LIN52: variants seen among roughly 807,000 people sequenced by gnomAD.
The protein encoded by LIN52 is lin-52 DREAM MuvB core complex component, also known as protein lin-52 homolog.
LIN52 carries 4 observed loss-of-function variants against 18.5 expected under a neutral mutation model. The observed-to-expected ratio is 0.22, with a 90% confidence interval of 0.11 to 0.49. The LOEUF is 0.49. Among genes scored for constraint, LIN52 ranks in the 20% least tolerant of loss-of-function variants. The probability of loss-of-function intolerance (pLI) is 0.97; values close to 1 mark genes in which losing one functional copy is unlikely to be tolerated. For synonymous variants in LIN52, 34 were observed against 45.5 expected, an observed-to-expected ratio of 0.75 and a Z score of 1.02; for missense variants, 102 against 139.5, an observed-to-expected ratio of 0.73 and a Z score of 1.35.
In LIN52 at chr14:74,200,105, T is replaced by G. The variant is rs899669412; in HGVS notation, c.*1128T>G. ...GATGTTTTGAGAAGTGCATGGAGTT[T>G]CCTAAACTTTGCACAAAAGAATATC... On this transcript the variant is annotated 3_prime_UTR_variant, in exon 6 of 6. Coordinates refer to ENST00000555028, the MANE Select transcript of LIN52 (RefSeq NM_001024674.3). The G allele has an allele frequency of 6.6e-6, 1 of 151,562 alleles. No homozygotes were observed. The highest frequency in any genetic ancestry group is 2.4e-5 in the African/African-American group (1 of 41,266). 9.4% of individuals were successfully genotyped at this position (151,562 alleles called of 1,614,324 possible). A position where few individuals can be genotyped will look rare whatever the true frequency, so the allele number is the denominator to read the frequency against.
chr14:74,097,982 C>T, intron 4 of LIN52, 122 bp downstream of exon 4: 1 of 672,590 alleles, frequency 1.5e-6, no homozygotes, highest in Non-Finnish European at 2.6e-6. Context: ...TTTAAACCTC[C>T]TTATTTGTAG....
intron 4 of LIN52, among the ~76,000 whole-genome samples, chr14:74,100,769 C>T (rs113452396): frequency 1.3e-5 from 2 of 152,144 alleles, no homozygotes; most frequent in African/African-American, 4.8e-5. Context: ...AGCCACCATG[C>T]CTGGCTGAAT....
intron 5 of LIN52, among the ~76,000 whole-genome samples, chr14:74,166,820 G>T (rs1327611003): frequency 6.6e-6 from 1 of 152,074 alleles, no homozygotes; most frequent in Non-Finnish European, 1.5e-5. Context: ...CATTATTAAG[G>T]TCCTCTAAAT....
intron 5 of LIN52, among the ~76,000 whole-genome samples, chr14:74,130,278 G>GTGTTTTTTTTTTTTTTTTTTTTTTT (rs1566856480): frequency 4.6e-5 from 3 of 64,842 alleles, no homozygotes; most frequent in Non-Finnish European, 8.4e-5. Flanking sequence ...GCATTTTTTG[G>GTGTTTTTTTTTTTTTTTTTTTTTTT]TTTTTTTTTT....
intron 5 of LIN52, among the ~76,000 whole-genome samples, chr14:74,136,459 G>A (rs1477231392): frequency 1.3e-5 from 2 of 152,140 alleles, no homozygotes; most frequent in Admixed American, 6.5e-5. Flanking sequence ...AGTTTGAAAG[G>A]TGGGGAAAGT....
rs2060899188 is a variant in LIN52 at position 74,106,727 on chromosome 14, A to T, written c.283+5489A>T. ...TGCTTCAGCCGTCCAAGTAGCTGAG[A>T]TTACAGGTGTGCACCACCATGCCCA... On this transcript the variant is annotated intron_variant, in intron 5 of 5. Transcript: ENST00000555028. 2.0e-5 allele frequency among the ~76,000 whole-genome samples: 3 copies of T among 152,142 alleles called. No individual in the cohort carries two copies. In the East Asian group the frequency reaches 5.8e-4, roughly 29 times the overall value.
At chr14:74,119,271 C>T (rs2060983604) in intron 5 of LIN52, among the ~76,000 whole-genome samples, 1 of 150,846 alleles carries the variant, frequency 6.6e-6, no homozygotes, top group South Asian at 2.1e-4. Flanking sequence ...ATGCCATTCT[C>T]CTGCCTCAGC....
chr14:74,101,682 G>A (rs867684341), intron 5 of LIN52, among the ~76,000 whole-genome samples: 5 of 151,756 alleles, frequency 3.3e-5, no homozygotes, highest in Admixed American at 2.0e-4. Flanking sequence ...GGATGGTCTC[G>A]ATCTCCTGAC....
At chr14:74,126,054 AT>A (rs2061028430) in intron 5 of LIN52, among the ~76,000 whole-genome samples, 1 of 132,704 alleles carries the variant, frequency 7.5e-6, no homozygotes, top group Non-Finnish European at 1.7e-5. Context: ...AAAAAAAGAA[AT>A]GAGCAAAGGA....
intron 5 of LIN52, among the ~76,000 whole-genome samples, chr14:74,121,329 T>C (rs2060998290): frequency 6.6e-6 from 1 of 152,228 alleles, no homozygotes; most frequent in Non-Finnish European, 1.5e-5. Context: ...ACTCTATATT[T>C]CTTATACCAC....
chr14:74,161,749 G>A (rs1555383950), intron 5 of LIN52, among the ~76,000 whole-genome samples: 1 of 152,186 alleles, frequency 6.6e-6, no homozygotes. Context: ...ATCTTTGGGG[G>A]AGGGAGCCCC....
At chr14:74,129,903 G>A (rs1278416247) in intron 5 of LIN52, among the ~76,000 whole-genome samples, 2 of 152,204 alleles carry the variant, frequency 1.3e-5, no homozygotes, top group Non-Finnish European at 2.9e-5. Flanking sequence ...AGAAAAAGAG[G>A]TTTAATGGAC....
chr14:74,145,459 C>G (rs931210663), intron 5 of LIN52, among the ~76,000 whole-genome samples: 5 of 152,208 alleles, frequency 3.3e-5, no homozygotes, highest in Non-Finnish European at 5.9e-5. Context: ...TGTAGATCAC[C>G]TGATTTGTAG....
At chr14:74,137,467 C>G (rs1438858445) in intron 5 of LIN52, among the ~76,000 whole-genome samples, 1 of 146,900 alleles carries the variant, frequency 6.8e-6, no homozygotes, top group African/African-American at 2.5e-5. Context: ...GATAAGAGAA[C>G]ATTGAGCACT....
In LIN52 at chr14:74,147,410, G is replaced by A. The variant is rs2061156845; in HGVS notation, c.283+46172G>A. 2.0e-5 allele frequency among the ~76,000 whole-genome samples: 3 copies of A among 152,150 alleles called. No individual in the cohort carries two copies. The South Asian group carries it at 6.2e-4, about 32-fold the overall frequency. On this transcript the variant is annotated intron_variant, in intron 5 of 5. Coordinates refer to ENST00000555028, the MANE Select transcript of LIN52 (RefSeq NM_001024674.3). The stretch of plus-strand genomic sequence containing the variant: ...AGGCATAAATCATGACCTTGAATTT[G>A]GCAGTAGTTTCTTAGATATGATACC...
At position 74,165,513 on chromosome 14, in the gene LIN52, C is replaced by CTTTTCTTTTTTTT. The variant is rs1555384151; in HGVS notation, c.284-33405_284-33404insCTTTTTTTTTTTT. On this transcript the variant is annotated intron_variant, in intron 5 of 5. Transcript: ENST00000555028. Reference sequence around the variant, plus strand: ...AATGGAGAATTACAGGTTTTCTTTTCTTTTTTTTTTTTTTTGAGACAGAGT... The same window carrying CTTTTCTTTTTTTT: ...AATGGAGAATTACAGGTTTTCTTTTCTTTTCTTTTTTTTTTTTTTTTTTTTTTTGAGACAGAGT... Among the ~76,000 whole-genome samples, 1,004 of 110,158 alleles carry CTTTTCTTTTTTTT rather than the reference C, an allele frequency of 9.1e-3. 41 individuals are homozygous for CTTTTCTTTTTTTT. Among genetic ancestry groups the CTTTTCTTTTTTTT allele is most frequent in the African/African-American group, 0.036 (945 of 26,596 alleles). 72.3% of individuals were successfully genotyped at this position (110,158 alleles called of 152,430 possible). A position where few individuals can be genotyped will look rare whatever the true frequency, so the allele number is the denominator to read the frequency against.
chr14:74,128,603 T>C (rs1025293548), intron 5 of LIN52, among the ~76,000 whole-genome samples: 4 of 152,206 alleles, frequency 2.6e-5, no homozygotes, highest in African/African-American at 9.6e-5. Flanking sequence ...ACTTCAAATA[T>C]GTGCATTATC....
intron 2 of LIN52, among the ~76,000 whole-genome samples, chr14:74,091,606 TA>T (rs1393236659): frequency 8.9e-5 from 13 of 146,338 alleles, no homozygotes; most frequent in Admixed American, 1.4e-4. Context: ...CTGTCTCTAC[TA>T]AAAAAAAAAT....
intron 5 of LIN52, among the ~76,000 whole-genome samples, chr14:74,135,845 A>AT (rs1436913760): frequency 1.3e-5 from 2 of 150,910 alleles, no homozygotes; most frequent in South Asian, 2.1e-4. Context: ...TCCTTAAAAC[A>AT]TTTTTTTTAA....
Sources: gnomAD v4.1 joint callset for allele counts (sites outside exome capture counted in the v4.1 genomes callset) on GRCh38, gnomAD v4.1.1 for gene constraint, MANE v1.5 for transcripts, NCBI Gene and HGNC (gene_info 2026-07-23, HGNC 2026-07-21) for gene names.